Variants in PLCB1 observed in about 807,000 individuals in gnomAD.
The protein encoded by PLCB1 is 1-phosphatidylinositol 4,5-bisphosphate phosphodiesterase beta-1.
A neutral mutation model predicts 161.8 loss-of-function variants in PLCB1; 46 were observed. The observed-to-expected ratio is 0.28, with a 90% CI of 0.22 to 0.36. The LOEUF (loss-of-function observed/expected upper bound fraction) is 0.36. Among genes scored for constraint, PLCB1 ranks in the 10% least tolerant of loss-of-function variants. The pLI is 1.00. For missense variants in PLCB1, 1,016 were observed against 1,472.5 expected, an observed-to-expected ratio of 0.69 and a Z score of 5.07; for synonymous variants, 517 against 503.7, an observed-to-expected ratio of 1.03 and a Z score of -0.35.
intron 2 of PLCB1, among the ~76,000 whole-genome samples, chr20:8,350,382 A>G (rs64989): frequency 1 from 151,940 of 152,320 alleles, 75,781 homozygotes; most frequent in Middle Eastern, 1. Context: ...GGAGGATAAA[A>G]GCTCCATCTC....
intron 3 of PLCB1, among the ~76,000 whole-genome samples, chr20:8,445,171 T>C (rs1317280487): frequency 2.6e-5 from 4 of 152,224 alleles, no homozygotes. Context: ...AGGGTTTTTA[T>C]GGTTTTAGGT....
intron 2 of PLCB1, among the ~76,000 whole-genome samples, chr20:8,257,396 A>G (rs1981482882): frequency 6.6e-6 from 1 of 152,184 alleles, no homozygotes; most frequent in African/African-American, 2.4e-5. Flanking sequence ...TAATTTTATA[A>G]GAAAAAAATC....
Position 8,801,921 on chromosome 20 carries a change from G to A in PLCB1, c.3423+11660G>A, listed in dbSNP as rs140312747. On this transcript the variant is annotated intron_variant, in intron 31 of 31. Coordinates refer to ENST00000338037, the MANE Select transcript of PLCB1 (RefSeq NM_015192.4). ...ACTGGGGGTGTTGGAGCAGATAAAGGCAAACAGAGGAGTTAAAACTGTACT... is the reference window on the plus strand; with the variant it reads ...ACTGGGGGTGTTGGAGCAGATAAAGACAAACAGAGGAGTTAAAACTGTACT... The A allele has an allele frequency of 1.4e-3, 970 of 680,406 alleles. 15 individuals are homozygous for A. The East Asian group carries it at 0.022, about 16-fold the overall frequency. 42.1% of individuals were successfully genotyped at this position (680,406 alleles called of 1,614,324 possible).
intron 2 of PLCB1, among the ~76,000 whole-genome samples, chr20:8,249,001 A>G (rs370504653): frequency 5.9e-5 from 9 of 151,960 alleles, no homozygotes; most frequent in African/African-American, 2.2e-4. Context: ...GACCAACTTA[A>G]AAAGAAAGCA....
chr20:8,770,527 GT>G (rs1184184315), intron 26 of PLCB1, among the ~76,000 whole-genome samples: 1 of 152,174 alleles, frequency 6.6e-6, no homozygotes. Flanking sequence ...GCCTCAGGAG[GT>G]CCAGATGACA....
intron 3 of PLCB1, among the ~76,000 whole-genome samples, chr20:8,451,705 T>C (rs1400993942): frequency 6.6e-6 from 1 of 152,088 alleles, no homozygotes; most frequent in Admixed American, 6.6e-5. Context: ...TTTCCTTCCT[T>C]CATCCCTTCG....
At chr20:8,751,664 T>A (rs2123549899) in intron 23 of PLCB1, 1 of 152,354 alleles carries the variant, frequency 6.6e-6, no homozygotes, top group South Asian at 2.1e-4. Context: ...GGGCAGGAAC[T>A]TACTTCTGTG....
At chr20:8,340,796 A>G (rs112521466) in intron 2 of PLCB1, among the ~76,000 whole-genome samples, 5 of 152,314 alleles carry the variant, frequency 3.3e-5, no homozygotes, top group African/African-American at 1.2e-4. Context: ...ATACCTAAAC[A>G]CTATCATTCT....
chr20:8,726,992 G>A (rs888905937), intron 16 of PLCB1, among the ~76,000 whole-genome samples: 4 of 151,868 alleles, frequency 2.6e-5, no homozygotes, highest in East Asian at 1.9e-4. Context: ...AGATTCCCAC[G>A]GGGTCCCTGC....
At chr20:8,269,175 G>C (rs1397142679) in intron 2 of PLCB1, among the ~76,000 whole-genome samples, 1 of 152,040 alleles carries the variant, frequency 6.6e-6, no homozygotes, top group African/African-American at 2.4e-5. Context: ...ATGGTGGTTT[G>C]CTGCACCCAT....
chr20:8,214,305 A>G (rs1243829065), intron 2 of PLCB1, among the ~76,000 whole-genome samples: 1 of 152,046 alleles, frequency 6.6e-6, no homozygotes, highest in East Asian at 1.9e-4. Flanking sequence ...TTTCTCATGA[A>G]TGGTTTAGCG....
intron 3 of PLCB1, among the ~76,000 whole-genome samples, chr20:8,516,664 C>CATATATATATAT (rs57237224): frequency 1.4e-5 from 1 of 72,230 alleles, no homozygotes. Flanking sequence ...AATATAACAT[C>CATATATATATAT]ATATATATAT....
chr20:8,301,091 G>T (rs1983890273), intron 2 of PLCB1, among the ~76,000 whole-genome samples: 1 of 152,110 alleles, frequency 6.6e-6, no homozygotes, highest in African/African-American at 2.4e-5. Flanking sequence ...ATTTCTGCTG[G>T]TTACAATTCC....
chr20:8,752,431 G>A (rs952099966), intron 23 of PLCB1: 1 of 152,162 alleles, frequency 6.6e-6, no homozygotes, highest in African/African-American at 2.4e-5. Context: ...ATATAACAGT[G>A]TCTAACCCAG....
chr20:8,433,124 A>G (rs901082236), intron 3 of PLCB1, among the ~76,000 whole-genome samples: 12 of 152,184 alleles, frequency 7.9e-5, no homozygotes, highest in African/African-American at 2.9e-4. Flanking sequence ...GACAGTTACA[A>G]CAGGAAGCAA....
chr20:8,158,769 C>T (rs191589322), intron 2 of PLCB1, among the ~76,000 whole-genome samples: 12 of 152,294 alleles, frequency 7.9e-5, no homozygotes, highest in African/African-American at 2.6e-4. Context: ...AGGCCTCATG[C>T]AAGTCCAAAA....
chr20:8,303,252 C>T (rs910105503), intron 2 of PLCB1, among the ~76,000 whole-genome samples: 9 of 152,258 alleles, frequency 5.9e-5, no homozygotes, highest in Admixed American at 2.0e-4. Context: ...GGGGTTTCAA[C>T]GTAAAGGTCA....
chr20:8,305,564 C>T (rs1026223602), intron 2 of PLCB1: 1 of 152,168 alleles, frequency 6.6e-6, no homozygotes, highest in Non-Finnish European at 1.5e-5. Context: ...CAGGTGCCAA[C>T]CACCTGTGGT....
intron 3 of PLCB1, among the ~76,000 whole-genome samples, chr20:8,401,185 C>T (rs1276385707): frequency 5.3e-5 from 8 of 152,080 alleles, no homozygotes; most frequent in African/African-American, 1.7e-4. Flanking sequence ...TATTTCTAAC[C>T]ATATCCTTTG....
Sources: allele counts gnomAD v4.1 joint callset (sites outside exome capture counted in the v4.1 genomes callset), GRCh38; gene constraint gnomAD v4.1.1; transcripts MANE v1.5; gene names NCBI Gene and HGNC (gene_info 2026-07-23, HGNC 2026-07-21).